The following FANCB variants were observed in gnomAD, a reference collection of about 807,000 sequenced individuals.
The protein encoded by FANCB is FA complementation group B.
In FANCB, 5 loss-of-function variants were observed where a neutral mutation model predicts 38.9. The ratio of observed to expected loss-of-function variants is 0.13; its 90% CI spans 0.07 to 0.27. The LOEUF (loss-of-function observed/expected upper bound fraction) is 0.27, where lower values mean the gene tolerates loss of function less well. Ranked by LOEUF, FANCB falls within the 10% of genes least tolerant of loss-of-function variation. FANCB has a pLI of 1.00. For synonymous variants in FANCB, 236 were observed against 215.4 expected, an observed-to-expected ratio of 1.10 and a Z score of -0.84; for missense variants, 573 against 602.7, an observed-to-expected ratio of 0.95 and a Z score of 0.52.
chrX:14,766,674 T>C, the FANCB span, among the ~76,000 whole-genome samples: 1 of 111,193 alleles, frequency 9.0e-6, no homozygotes, highest in African/African-American at 3.3e-5. Context: ...TCTTTTTCTT[T>C]TTTTTTTAAA....
At chrX:14,831,409 T>C (rs775619769), downstream of FANCB, among the ~76,000 whole-genome samples, 15 of 112,014 alleles carry the variant, frequency 1.3e-4, no homozygotes, top group Admixed American at 2.8e-4. Context: ...CTGTGAACAC[T>C]GCAAAGAAAT....
chrX:14,717,754 A>C, the FANCB span, among the ~76,000 whole-genome samples: 1 of 110,024 alleles, frequency 9.1e-6, no homozygotes, highest in Non-Finnish European at 1.9e-5. Context: ...AAAAAAAAAA[A>C]AAACCCATCG....
chrX:14,696,432 C>T, the FANCB span, among the ~76,000 whole-genome samples: 1 of 111,443 alleles, frequency 9.0e-6, no homozygotes, highest in East Asian at 2.8e-4. Context: ...GCATGTGTGA[C>T]TAAGGTTGGG....
downstream of FANCB, chrX:14,834,495 G>C (rs2092335834): frequency 4.0e-6 from 2 of 504,646 alleles, no homozygotes; most frequent in East Asian, 7.3e-5. Flanking sequence ...TCCACTGCCA[G>C]AGATCTTGAA....
At position 14,872,756 on chromosome X, in the gene FANCB, C is replaced by T. The variant is rs930340978; in HGVS notation, c.-192+230G>A. ...TTAAAGATTTCAGAGATATTTTGCT[C>T]ATTAAGCATCTCACACTCCAAGTTG... On this transcript the variant is annotated intron_variant, in intron 1 of 9. Coordinates refer to ENST00000650831, the MANE Select transcript of FANCB (RefSeq NM_001018113.3). Among the ~76,000 whole-genome samples, 7 of 109,302 alleles carry T rather than the reference C, an allele frequency of 6.4e-5. No individual in the cohort carries two copies. The East Asian group carries it at 1.2e-3, about 18-fold the overall frequency. The allele number at this position is 109,302 out of a possible 115,157, so 94.9% of individuals were successfully genotyped here.
At chrX:14,724,700 T>C in the FANCB span, among the ~76,000 whole-genome samples, 2 of 108,091 alleles carry the variant, frequency 1.9e-5, no homozygotes, top group Non-Finnish European at 3.8e-5. Flanking sequence ...TGGAAGTTTC[T>C]TCTTTAAAAA....
the FANCB span, among the ~76,000 whole-genome samples, chrX:14,824,151 C>T: frequency 1.8e-5 from 2 of 111,726 alleles, no homozygotes; most frequent in African/African-American, 6.5e-5. Flanking sequence ...CTTGTGCACC[C>T]ACTTTCCACA....
the FANCB span, among the ~76,000 whole-genome samples, chrX:14,793,994 T>C: frequency 2.7e-5 from 3 of 111,884 alleles, no homozygotes; most frequent in East Asian, 8.4e-4. Flanking sequence ...ATTTCATATG[T>C]CCTGCTAAAT....
the FANCB span, among the ~76,000 whole-genome samples, chrX:14,759,800 TG>T: frequency 1.0e-5 from 1 of 95,289 alleles, no homozygotes; most frequent in African/African-American, 4.3e-5. Context: ...AAAAACACAA[TG>T]GAAAAAAAAA....
At chrX:14,844,369 T>C (rs1337327243) in intron 9 of FANCB, 134 bp downstream of exon 9, 1 of 523,178 alleles carries the variant, frequency 1.9e-6, no homozygotes, top group African/African-American at 2.4e-5. Context: ...ATGCGTTCAT[T>C]CATGCTAGGC....
the FANCB span, among the ~76,000 whole-genome samples, chrX:14,811,666 G>T: frequency 9.0e-6 from 1 of 111,700 alleles, no homozygotes; most frequent in African/African-American, 3.3e-5. Flanking sequence ...GATTCATAAA[G>T]GAAGTCCTGA....
the FANCB span, among the ~76,000 whole-genome samples, chrX:14,729,210 T>C: frequency 3.6e-5 from 4 of 112,189 alleles, no homozygotes; most frequent in Non-Finnish European, 7.5e-5. Context: ...TATTATTATC[T>C]GGCAAGATAA....
At chrX:14,851,247 G>A (rs767127919) in intron 6 of FANCB, among the ~76,000 whole-genome samples, 35 of 111,957 alleles carry the variant, frequency 3.1e-4, no homozygotes, top group Non-Finnish European at 3.4e-4. Context: ...CTTTATGCCA[G>A]GCACTGTTCC....
chrX:14,851,879 T>C (rs2092403209), intron 6 of FANCB, among the ~76,000 whole-genome samples: 1 of 111,800 alleles, frequency 8.9e-6, no homozygotes, highest in Admixed American at 9.5e-5. Flanking sequence ...GATCATATTT[T>C]GGACCCAAAC....
chrX:14,833,229 G>A (rs925481000), downstream of FANCB, among the ~76,000 whole-genome samples: 1 of 111,104 alleles, frequency 9.0e-6, no homozygotes, highest in Non-Finnish European at 1.9e-5. Context: ...CACAACACCA[G>A]CAAAGATGGA....
At chrX:14,812,703 CAGA>C in the FANCB span, among the ~76,000 whole-genome samples, 1 of 108,135 alleles carries the variant, frequency 9.2e-6, no homozygotes, top group South Asian at 4.0e-4. Context: ...AGTCCAGGAC[CAGA>C]AGGATTCACT....
chrX:14,838,081 A>G (rs751644953), intron 10 of FANCB, among the ~76,000 whole-genome samples: 10 of 112,217 alleles, frequency 8.9e-5, no homozygotes, highest in Middle Eastern at 4.6e-3. Context: ...TGATTTAAAC[A>G]TAAATAGTCC....
At chrX:14,812,014 T>G in the FANCB span, among the ~76,000 whole-genome samples, 1 of 111,547 alleles carries the variant, frequency 9.0e-6, no homozygotes, top group Non-Finnish European at 1.9e-5. Flanking sequence ...AGAAACTCAT[T>G]CCAAACCGCT....
chrX:14,844,340 C>A (rs1165440058), intron 9 of FANCB, among the ~76,000 whole-genome samples, 163 bp downstream of exon 9: 1 of 111,233 alleles, frequency 9.0e-6, no homozygotes, highest in African/African-American at 3.3e-5. Context: ...CAGAGATCTT[C>A]AGTTTCTAAA....
Sources: gnomAD v4.1 joint callset for allele counts (sites outside exome capture counted in the v4.1 genomes callset) on GRCh38, gnomAD v4.1.1 for gene constraint, MANE v1.5 for transcripts, NCBI Gene and HGNC (gene_info 2026-07-23, HGNC 2026-07-21) for gene names.